The following SNTG1 variants were observed in gnomAD, a reference collection of about 807,000 sequenced individuals.
The protein encoded by SNTG1 is gamma-1-syntrophin.
SNTG1 carries 39 observed loss-of-function variants against 74.7 expected under a neutral mutation model. That is an observed-to-expected ratio of 0.52 (90% confidence interval 0.40 to 0.68). The LOEUF (loss-of-function observed/expected upper bound fraction) is 0.68, where lower values mean the gene tolerates loss of function less well. SNTG1 is among the 30% of genes least tolerant of loss of function. SNTG1 has a pLI of 0.00. For synonymous variants in SNTG1, 254 were observed against 217.1 expected, an observed-to-expected ratio of 1.17 and a Z score of -1.49; for missense variants, 685 against 609.5, an observed-to-expected ratio of 1.12 and a Z score of -1.30.
At chr8:50,147,679 G>T (rs2081920278) in intron 1 of SNTG1, among the ~76,000 whole-genome samples, 1 of 152,164 alleles carries the variant, frequency 6.6e-6, no homozygotes, top group African/African-American at 2.4e-5. Flanking sequence ...CATAGTTCTG[G>T]ATTACATCTG....
At chr8:50,660,590 T>G (rs971728421) in intron 15 of SNTG1, among the ~76,000 whole-genome samples, 1 of 152,106 alleles carries the variant, frequency 6.6e-6, no homozygotes, top group African/African-American at 2.4e-5. Context: ...ATCTGTACAC[T>G]AATACAACTT....
At chr8:50,591,942 CCTTA>C (rs2094694548) in intron 13 of SNTG1, among the ~76,000 whole-genome samples, 1 of 152,090 alleles carries the variant, frequency 6.6e-6, no homozygotes, top group South Asian at 2.1e-4. Context: ...TTTTTAAGGC[CCTTA>C]CTTACAGTGT....
chr8:50,259,297 G>A (rs961250420), intron 2 of SNTG1, among the ~76,000 whole-genome samples: 1 of 151,954 alleles, frequency 6.6e-6, no homozygotes, highest in Admixed American at 6.5e-5. Flanking sequence ...TCAGGAGTTT[G>A]AGACCAGCCC....
intron 2 of SNTG1, among the ~76,000 whole-genome samples, chr8:50,310,799 C>A (rs891995213): frequency 3.3e-5 from 5 of 152,116 alleles, no homozygotes; most frequent in African/African-American, 9.7e-5. Context: ...ATTGGTTAAA[C>A]AATTAGTATT....
At chr8:50,686,382 A>G (rs2095352534) in intron 15 of SNTG1, among the ~76,000 whole-genome samples, 1 of 152,202 alleles carries the variant, frequency 6.6e-6, no homozygotes, top group East Asian at 1.9e-4. Flanking sequence ...CTCATTAGAT[A>G]AATTAAATTA....
intron 2 of SNTG1, among the ~76,000 whole-genome samples, chr8:50,309,956 A>G (rs1217968046): frequency 1.3e-5 from 2 of 152,234 alleles, no homozygotes; most frequent in Non-Finnish European, 2.9e-5. Context: ...TGGTATTAAT[A>G]TCAAAAGTAA....
intron 15 of SNTG1, among the ~76,000 whole-genome samples, chr8:50,697,640 T>C (rs139726109): frequency 2.2e-4 from 33 of 152,254 alleles, no homozygotes; most frequent in African/African-American, 7.7e-4. Context: ...CTTGTGCTCT[T>C]ATGAAGCGAT....
chr8:50,342,188 G>T (rs1248548705), intron 2 of SNTG1, among the ~76,000 whole-genome samples: 1 of 151,990 alleles, frequency 6.6e-6, no homozygotes, highest in Non-Finnish European at 1.5e-5. Flanking sequence ...TTTTAGTTCG[G>T]CATGAAGTAG....
chr8:50,329,731 T>C (rs1336999212), intron 2 of SNTG1, among the ~76,000 whole-genome samples: 2 of 152,196 alleles, frequency 1.3e-5, no homozygotes, highest in East Asian at 1.9e-4. Flanking sequence ...CGAGACATTT[T>C]TCCCATTGTC....
chr8:50,031,071 ATAT>A (rs1237951221), intron 1 of SNTG1, among the ~76,000 whole-genome samples: 1 of 151,916 alleles, frequency 6.6e-6, no homozygotes, highest in African/African-American at 2.4e-5. Flanking sequence ...GTATACTTAA[ATAT>A]TATTTTACTC....
At chr8:50,230,187 C>G (rs2085543651) in intron 2 of SNTG1, among the ~76,000 whole-genome samples, 1 of 151,168 alleles carries the variant, frequency 6.6e-6, no homozygotes, top group Non-Finnish European at 1.5e-5. Context: ...CAATTTTAGC[C>G]TAAAGCAACA....
chr8:50,585,089 A>T (rs966430552), intron 12 of SNTG1, among the ~76,000 whole-genome samples: 6 of 152,208 alleles, frequency 3.9e-5, no homozygotes, highest in African/African-American at 1.4e-4. Context: ...AGAACACAAG[A>T]AAACAAGACC....
At chr8:50,498,334 T>C (rs1387925537) in intron 8 of SNTG1, among the ~76,000 whole-genome samples, 2 of 151,896 alleles carry the variant, frequency 1.3e-5, no homozygotes, top group Non-Finnish European at 2.9e-5. Context: ...CATTATAGTT[T>C]TAATTTACAT....
At chr8:50,718,934 T>C (rs750944536) in intron 17 of SNTG1, among the ~76,000 whole-genome samples, 1 of 152,204 alleles carries the variant, frequency 6.6e-6, no homozygotes, top group Non-Finnish European at 1.5e-5. Flanking sequence ...GTTTCTTAGA[T>C]TGCAGAATGC....
At chr8:50,006,566 T>G (rs1377169609) in intron 1 of SNTG1, among the ~76,000 whole-genome samples, 1 of 152,178 alleles carries the variant, frequency 6.6e-6, no homozygotes, top group Non-Finnish European at 1.5e-5. Context: ...GGCATTTACC[T>G]TGTTTGGATT....
intron 2 of SNTG1, among the ~76,000 whole-genome samples, chr8:50,352,659 A>G (rs1276522839): frequency 1.3e-5 from 2 of 152,116 alleles, no homozygotes; most frequent in African/African-American, 4.8e-5. Flanking sequence ...CCAAAGTGCC[A>G]GGATTACAGG....
chr8:50,291,457 C>T (rs1053615325), intron 2 of SNTG1, among the ~76,000 whole-genome samples: 1 of 152,018 alleles, frequency 6.6e-6, no homozygotes, highest in Non-Finnish European at 1.5e-5. Flanking sequence ...GAGGAAAAAG[C>T]TTGTGCACGT....
intron 17 of SNTG1, 142 bp downstream of exon 17, chr8:50,709,120 A>G: frequency 1.5e-6 from 1 of 645,502 alleles, no homozygotes; most frequent in Non-Finnish European, 2.7e-6. Context: ...TGGAAGATAA[A>G]TTATGCTTCG....
At chr8:50,734,850 CAT>C (rs772175318) in intron 17 of SNTG1, among the ~76,000 whole-genome samples, 10 of 60,750 alleles carry the variant, frequency 1.6e-4, no homozygotes, top group Non-Finnish European at 3.3e-4. Context: ...TATATATGGA[CAT>C]ATATATATCT....
Sources: allele counts gnomAD v4.1 joint callset (sites outside exome capture counted in the v4.1 genomes callset), GRCh38; gene constraint gnomAD v4.1.1; transcripts MANE v1.5; gene names NCBI Gene and HGNC (gene_info 2026-07-23, HGNC 2026-07-21).